The following KCNQ2 variants were observed in gnomAD, a reference collection of about 807,000 sequenced individuals.
KCNQ2 encodes potassium voltage-gated channel subfamily Q member 2, also known as potassium voltage-gated channel subfamily KQT member 2.
KCNQ2 carries 14 observed loss-of-function variants against 84.8 expected under a neutral mutation model. That is an observed-to-expected ratio of 0.17 (90% CI 0.11 to 0.26). The LOEUF is 0.26. Ranked by LOEUF, KCNQ2 falls within the 10% of genes least tolerant of loss-of-function variation. The probability of loss-of-function intolerance (pLI) is 1.00; values close to 1 mark genes in which losing one functional copy is unlikely to be tolerated. For missense variants in KCNQ2, 788 were observed against 1,254.0 expected (o/e 0.63, Z 5.61); for synonymous variants, 599 against 554.1 (o/e 1.08, Z -1.14).
chr20:63,464,641 G>A (rs563616640), intron 1 of KCNQ2, among the ~76,000 whole-genome samples: 3 of 152,252 alleles, frequency 2.0e-5, no homozygotes, highest in African/African-American at 4.8e-5. Context: ...CTAGCTCCCC[G>A]ACGCTGGAAC....
Position 63,446,719 on chromosome 20 carries a change from C to A in KCNQ2, c.387+28G>T. 6.3e-7 allele frequency: 1 copy of A among 1,594,616 alleles called. No individual in the cohort carries two copies. Among genetic ancestry groups the A allele is most frequent in the Non-Finnish European group, 8.6e-7 (1 of 1,162,920 alleles). On this transcript the variant is annotated intron_variant, in intron 2 of 16. Coordinates refer to ENST00000359125, the MANE Select transcript of KCNQ2 (RefSeq NM_172107.4). This position sits in a 1 kb window ranked among gnomAD's most constrained non-coding sequence, Gnocchi z 5.5. ...AGCTCCAGCTCCTTCCTGGGCACTT[C>A]CAGCCCCCGCCCTCCCTCGGGGCTC...
At chr20:63,418,489 G>C (rs143896228) in intron 12 of KCNQ2, among the ~76,000 whole-genome samples, 2 of 152,172 alleles carry the variant, frequency 1.3e-5, no homozygotes, top group Non-Finnish European at 2.9e-5. Context: ...GGGGCCTCCC[G>C]TGGGGGCTGC....
In KCNQ2 at chr20:63,408,553, C is replaced by T; in HGVS notation, c.1764-17G>A. 2 of 1,610,142 alleles carry T rather than the reference C, an allele frequency of 1.2e-6. No individual in the cohort carries two copies. The highest frequency in any genetic ancestry group is 2.2e-5 in the East Asian group (1 of 44,804). On this transcript the variant is annotated splice_polypyrimidine_tract_variant and intron_variant, in intron 15 of 16. Coordinates refer to ENST00000359125, the MANE Select transcript of KCNQ2 (RefSeq NM_172107.4). This position sits in a 1 kb window ranked among gnomAD's most constrained non-coding sequence, Gnocchi z 5.0. ...TGGTCCACTCTACCGGGAACAGAGA[C>T]CCCAAAGCATGAGTTCGGGTGGGTG...
At position 63,433,921 on chromosome 20, in the gene KCNQ2, A is replaced by AGGCAGTTGGCGAGG. The variant is rs756064072; in HGVS notation, c.1024-32_1024-19dup. On this transcript the variant is annotated intron_variant, in intron 7 of 16. Coordinates refer to ENST00000359125, the MANE Select transcript of KCNQ2 (RefSeq NM_172107.4). ...CAGGCCGACTGCGGAGGGAAAGACA[A>AGGCAGTTGGCGAGG]GGCAGTTGGCGAGGGGCAGGCGGCG... 3 of 1,611,614 alleles carry AGGCAGTTGGCGAGG rather than the reference A, an allele frequency of 1.9e-6. No homozygotes were observed. The highest frequency in any genetic ancestry group is 1.1e-5 in the South Asian group (1 of 90,994).
intron 1 of KCNQ2, among the ~76,000 whole-genome samples, chr20:63,462,024 C>G (rs1440407423): frequency 2.1e-4 from 23 of 110,836 alleles, no homozygotes; most frequent in Admixed American, 4.9e-4. Context: ...CTACCCCAGG[C>G]AGCAGGGAGG....
intron 11 of KCNQ2, 90 bp downstream of exon 11, chr20:63,424,087 A>G: frequency 7.0e-7 from 1 of 1,424,468 alleles, no homozygotes. Flanking sequence ...AGGCCCTCAC[A>G]TCTCCATGAC....
At chr20:63,467,605 C>A (rs916708039) in intron 1 of KCNQ2, among the ~76,000 whole-genome samples, 2 of 152,222 alleles carry the variant, frequency 1.3e-5, no homozygotes, top group Non-Finnish European at 1.5e-5. Flanking sequence ...AGTGTGCACA[C>A]AGGGGCCATG....
At chr20:63,456,359 A>G (rs1172078701) in intron 1 of KCNQ2, among the ~76,000 whole-genome samples, 1 of 152,204 alleles carries the variant, frequency 6.6e-6, no homozygotes, top group African/African-American at 2.4e-5. Flanking sequence ...CCCCCGAGTC[A>G]GTCCCACAGC....
intron 10 of KCNQ2, among the ~76,000 whole-genome samples, chr20:63,426,971 A>G (rs1368774888): frequency 6.6e-6 from 1 of 152,246 alleles, no homozygotes; most frequent in Non-Finnish European, 1.5e-5. Context: ...CTGTAATCCC[A>G]GCACTTTGGG....
chr20:63,412,849 CA>C (rs1439761599), intron 15 of KCNQ2, among the ~76,000 whole-genome samples: 1 of 152,224 alleles, frequency 6.6e-6, no homozygotes, highest in East Asian at 1.9e-4. Context: ...GCAACATAAA[CA>C]CCCACTCGTG....
intron 7 of KCNQ2, chr20:63,434,347 AGCCCGGCTCGGGGCATGAGCC>A (rs2080924583): frequency 1.6e-5 from 3 of 188,918 alleles, no homozygotes; most frequent in Non-Finnish European, 1.1e-5. Flanking sequence ...GCGGGGACTC[AGCCCGGCTCGGGGCATGAGCC>A]TGTACGTCAG....
At chr20:63,470,336 GCCTGAAGCCC>G (rs2082185886) in intron 1 of KCNQ2, among the ~76,000 whole-genome samples, 1 of 152,204 alleles carries the variant, frequency 6.6e-6, no homozygotes, top group African/African-American at 2.4e-5. Flanking sequence ...TGAGGGTCTC[GCCTGAAGCCC>G]CCGCATGCTG....
chr20:63,424,437 T>G (rs2080569234), intron 10 of KCNQ2: 1 of 592,852 alleles, frequency 1.7e-6, no homozygotes, highest in South Asian at 2.1e-5. Flanking sequence ...AGGGACTCCA[T>G]GGGGCGGGGG....
At chr20:63,456,761 C>G (rs910363886) in intron 1 of KCNQ2, among the ~76,000 whole-genome samples, 2 of 152,218 alleles carry the variant, frequency 1.3e-5, no homozygotes, top group Non-Finnish European at 2.9e-5. Context: ...GCTGCACGGC[C>G]CCCACCATGC....
intron 9 of KCNQ2, 44 bp from the exon 10 acceptor site, chr20:63,428,479 G>C (rs759145723): frequency 6.7e-7 from 1 of 1,488,072 alleles, no homozygotes; most frequent in South Asian, 1.2e-5. Flanking sequence ...TCACCCTCCC[G>C]AGTCCTGGGA....
At chr20:63,447,106 C>G (rs1045894138) in intron 1 of KCNQ2, among the ~76,000 whole-genome samples, 3 of 152,016 alleles carry the variant, frequency 2.0e-5, no homozygotes, top group Non-Finnish European at 2.9e-5. Flanking sequence ...ACGCACCCCC[C>G]TCTCCACTCT....
chr20:63,472,196 C>T lies in KCNQ2; in HGVS notation c.268G>A (p.Gly90Ser). ...TAGGCGTGGTAGATGAACGCCCAGC[C>T]GCGCGGCCGCTCCAGCACGTTGTAG... ...FLYNVLERPR[G>S]WAFIYHAYVF... Residue 90 changes from glycine (G) to serine (S), a missense_variant, in exon 1 of 17, where the codon GGC (glycine) becomes AGC (serine). Gly to Ser is a moderately conservative substitution (Grantham distance 56). Coordinates refer to ENST00000359125, the MANE Select transcript of KCNQ2 (RefSeq NM_172107.4). 6.5e-7 allele frequency: 1 copy of T among 1,535,408 alleles called. No individual in the cohort carries two copies. Among genetic ancestry groups the T allele is most frequent in the Non-Finnish European group, 8.8e-7 (1 of 1,142,224 alleles).
intron 1 of KCNQ2, among the ~76,000 whole-genome samples, chr20:63,464,181 C>G (rs923948302): frequency 3.3e-5 from 5 of 152,142 alleles, no homozygotes; most frequent in Admixed American, 2.0e-4. Flanking sequence ...CACCACTCCC[C>G]CTGCGAGAGG....
chr20:63,449,489 T>C lies in KCNQ2; in HGVS notation c.297-2652A>G, dbSNP rs149542832. On this transcript the variant is annotated intron_variant, in intron 1 of 16. Coordinates refer to ENST00000359125, the MANE Select transcript of KCNQ2 (RefSeq NM_172107.4). ...AAAACAAGTCCTCGATGTGCGGAGC[T>C]ATTTAGTGAGCACAGGTCAGCGTTG... Among the ~76,000 whole-genome samples the C allele has an allele frequency of 5.1e-4, 78 of 152,232 alleles. 1 individual carries two copies. In the East Asian group the frequency reaches 0.014, roughly 28 times the overall value.
Sources: allele counts gnomAD v4.1 joint callset (sites outside exome capture counted in the v4.1 genomes callset), GRCh38; gene constraint gnomAD v4.1.1; non-coding constraint Gnocchi (gnomAD v3.1); transcripts MANE v1.5; gene names NCBI Gene and HGNC (gene_info 2026-07-23, HGNC 2026-07-21).